The following SEC24D variants were observed in gnomAD, a reference collection of about 807,000 sequenced individuals.
SEC24D encodes the protein SEC24 homolog D, COPII component.
In SEC24D, 69 loss-of-function variants were observed where a neutral mutation model predicts 116.9. The observed-to-expected ratio is 0.59, with a 90% CI of 0.49 to 0.72. The LOEUF (loss-of-function observed/expected upper bound fraction) is 0.72, where lower values mean the gene tolerates loss of function less well. Among genes scored for constraint, SEC24D ranks in the 30% least tolerant of loss-of-function variants. The pLI is 0.00. For synonymous variants in SEC24D, 405 were observed against 442.8 expected (o/e 0.91, Z 1.07); for missense variants, 1,131 against 1,264.1 (o/e 0.89, Z 1.60).
intron 6 of SEC24D, among the ~76,000 whole-genome samples, chr4:118,809,734 T>C (rs905285357): frequency 6.6e-6 from 1 of 152,194 alleles, no homozygotes; most frequent in African/African-American, 2.4e-5. Context: ...GACACAGCAG[T>C]GAACAAAACC....
intron 1 of SEC24D, 73 bp from the exon 2 acceptor site, chr4:118,833,810 T>G (rs1730977751): frequency 1.5e-6 from 1 of 669,414 alleles, no homozygotes; most frequent in Admixed American, 2.8e-5. Context: ...ATATAAACAC[T>G]GTTATTACAT....
chr4:118,725,417 T>A (rs1312726547), intron 22 of SEC24D, among the ~76,000 whole-genome samples: 1 of 152,208 alleles, frequency 6.6e-6, no homozygotes, highest in Non-Finnish European at 1.5e-5. Context: ...ACTACAACTT[T>A]ACTATTGTCC....
In SEC24D at chr4:118,723,682, C is replaced by G. The variant is rs763985468; in HGVS notation, c.2959-27G>C. The G allele has an allele frequency of 2.4e-5, 39 of 1,592,030 alleles. No individual in the cohort carries two copies. In the South Asian group the frequency reaches 4.5e-4, roughly 19 times the overall value. On this transcript the variant is annotated intron_variant, in intron 22 of 22. Transcript: ENST00000280551. ...TAGGAAAAAAAAAACAAAACAGTAACAGCCCCTGGTTATAAACATTATTTG... is the reference window on the plus strand; with the variant it reads ...TAGGAAAAAAAAAACAAAACAGTAAGAGCCCCTGGTTATAAACATTATTTG...
Position 118,797,715 on chromosome 4 carries a change from T to G in SEC24D, c.1009A>C (p.Ile337Leu), listed in dbSNP as rs868634344. The stretch of plus-strand genomic sequence containing the variant: ...GAAGGAATGGTGGCAAAGGGCTTGA[T>G]GACAGCAGCTAATGGAATCTGAGCT... The part of the protein sequence containing the change: ...KQAQIPLAAV[I>L]KPFATIPSNE... Residue 337 changes from isoleucine (I) to leucine (L), a missense_variant, in exon 8 of 23, where the codon ATC (isoleucine) becomes CTC (leucine). Physicochemically the swap from Ile to Leu is conservative, Grantham distance 5 (BLOSUM62 2). Coordinates refer to ENST00000280551, the MANE Select transcript of SEC24D (RefSeq NM_014822.4). The G allele has an allele frequency of 2.5e-6, 4 of 1,609,906 alleles. No homozygotes were observed. The African/African-American group carries it at 5.3e-5, about 21-fold the overall frequency.
chr4:118,784,661 T>C (rs572202913), intron 8 of SEC24D, among the ~76,000 whole-genome samples: 10 of 152,204 alleles, frequency 6.6e-5, no homozygotes, highest in Middle Eastern at 6.8e-3. Context: ...GGTTTTATTT[T>C]CCCAAACAAC....
intron 4 of SEC24D, among the ~76,000 whole-genome samples, chr4:118,817,026 A>G (rs1487952718): frequency 1.3e-5 from 2 of 152,180 alleles, no homozygotes; most frequent in Non-Finnish European, 2.9e-5. Flanking sequence ...TTGTTCAATC[A>G]TTGAATGGAA....
chr4:118,810,074 CTGTGTGTGTG>C lies in SEC24D; in HGVS notation c.802-4130_802-4121del, dbSNP rs71595321. 6.7e-3 allele frequency among the ~76,000 whole-genome samples: 257 copies of C among 38,612 alleles called. 3 individuals carry two copies. The highest frequency in any genetic ancestry group is 0.014 in the African/African-American group (140 of 9,842). The allele number at this position is 38,612 out of a possible 152,430, so 25.3% of individuals were successfully genotyped here. On this transcript the variant is annotated intron_variant, in intron 6 of 22. Transcript: ENST00000280551. ...TGGTAAGAGACCAGGTCAGAGGTAG[CTGTGTGTGTG>C]TGTGTGTGTGTGTGTGTGTGTGTGT...
chr4:118,806,389 G>A (rs1169458037), intron 6 of SEC24D, among the ~76,000 whole-genome samples: 1 of 151,694 alleles, frequency 6.6e-6, no homozygotes, highest in Non-Finnish European at 1.5e-5. Flanking sequence ...AGGCTGGAGT[G>A]CTGTGCCGCA....
At chr4:118,789,485 C>T (rs1160356289) in intron 8 of SEC24D, among the ~76,000 whole-genome samples, 2 of 152,204 alleles carry the variant, frequency 1.3e-5, no homozygotes, top group African/African-American at 4.8e-5. Flanking sequence ...ACATCCATTC[C>T]TTTTTCCCCC....
chr4:118,798,359 T>A (rs1202635047), intron 7 of SEC24D, among the ~76,000 whole-genome samples: 1 of 152,226 alleles, frequency 6.6e-6, no homozygotes, highest in African/African-American at 2.4e-5. Flanking sequence ...AGAAATATTA[T>A]TTTCAAAAAC....
chr4:118,799,145 G>C (rs1729313050), intron 7 of SEC24D, among the ~76,000 whole-genome samples: 1 of 152,210 alleles, frequency 6.6e-6, no homozygotes, highest in Non-Finnish European at 1.5e-5. Flanking sequence ...GAGTAGAAGT[G>C]TTGAGATGTG....
rs550715370 is a variant in SEC24D at position 118,723,450 on chromosome 4, A to G, written c.*65T>C. On this transcript the variant is annotated 3_prime_UTR_variant, in exon 23 of 23. Coordinates refer to ENST00000280551, the MANE Select transcript of SEC24D (RefSeq NM_014822.4). ...CAAAACTAGCCTATTATCATCTAGA[A>G]AATTAGGCACCAAGAAGGAGATTAT... The G allele has an allele frequency of 1.6e-5, 24 of 1,504,614 alleles. No individual in the cohort carries two copies. The South Asian group carries it at 2.7e-4, about 17-fold the overall frequency. 93.2% of individuals were successfully genotyped at this position (1,504,614 alleles called of 1,614,324 possible).
At chr4:118,751,141 T>C in intron 13 of SEC24D, among the ~76,000 whole-genome samples, 1 of 151,592 alleles carries the variant, frequency 6.6e-6, no homozygotes. Flanking sequence ...GTTTGACTCT[T>C]GTGTTAAGGT....
chr4:118,763,275 A>G (rs569725783), intron 10 of SEC24D, among the ~76,000 whole-genome samples: 11 of 152,338 alleles, frequency 7.2e-5, no homozygotes, highest in Non-Finnish European at 1.2e-4. Context: ...TTTAACAACT[A>G]GTTCTACGTA....
intron 2 of SEC24D, among the ~76,000 whole-genome samples, chr4:118,827,951 A>T (rs1250932499): frequency 6.6e-6 from 1 of 150,904 alleles, no homozygotes; most frequent in Non-Finnish European, 1.5e-5. Flanking sequence ...TGGGGGGGGA[A>T]AATGTTTATC....
chr4:118,815,243 C>A, intron 5 of SEC24D, 88 bp from the exon 6 acceptor site: 1 of 1,490,474 alleles, frequency 6.7e-7, no homozygotes, highest in Non-Finnish European at 9.1e-7. Context: ...TTCAGTCAAG[C>A]ATGTTGTATT....
chr4:118,784,652 G>C (rs1447065930), intron 8 of SEC24D, among the ~76,000 whole-genome samples: 4 of 151,750 alleles, frequency 2.6e-5, no homozygotes, highest in African/African-American at 9.7e-5. Context: ...GTAAATGGTG[G>C]TTTTATTTTC....
intron 8 of SEC24D, among the ~76,000 whole-genome samples, chr4:118,777,114 T>C (rs1347537146): frequency 6.6e-6 from 1 of 151,620 alleles, no homozygotes; most frequent in Non-Finnish European, 1.5e-5. Flanking sequence ...TTTATTTATT[T>C]ATTTATTTAT....
Position 118,806,208 on chromosome 4 carries a change from T to C in SEC24D, c.802-254A>G, listed in dbSNP as rs79357895. ...TAAAATGGTTACAATTTTAGAATAGTAGTTTCCAATTCTATTTTGTAATTC... is the reference window on the plus strand; with the variant it reads ...TAAAATGGTTACAATTTTAGAATAGCAGTTTCCAATTCTATTTTGTAATTC... On this transcript the variant is annotated intron_variant, in intron 6 of 22. Transcript: ENST00000280551. Among the ~76,000 whole-genome samples the C allele has an allele frequency of 6.2e-3, 945 of 152,356 alleles. 8 individuals are homozygous for C. Among genetic ancestry groups the C allele is most frequent in the African/African-American group, 0.02 (852 of 41,574 alleles).
Sources: gnomAD v4.1 joint callset for allele counts (sites outside exome capture counted in the v4.1 genomes callset) on GRCh38, gnomAD v4.1.1 for gene constraint, MANE v1.5 for transcripts, NCBI Gene and HGNC (gene_info 2026-07-23, HGNC 2026-07-21) for gene names.